Variants in ZNF385D observed in about 807,000 individuals in gnomAD.
ZNF385D encodes zinc finger protein 659.
Under a neutral mutation model 35.8 loss-of-function variants are expected in ZNF385D, and 15 were observed. The ratio of observed to expected loss-of-function variants is 0.42; its 90% CI spans 0.28 to 0.64. The LOEUF (loss-of-function observed/expected upper bound fraction) is 0.64. ZNF385D is among the 30% of genes least tolerant of loss of function. ZNF385D has a pLI of 0.23. For missense variants in ZNF385D, 474 were observed against 494.6 expected (o/e 0.96, Z 0.39); for synonymous variants, 212 against 186.8 (o/e 1.13, Z -1.10).
chr3:22,317,305 AGGAAAAAATAAAAG>A (rs1703951304), intron 2 of ZNF385D, among the ~76,000 whole-genome samples: 1 of 136,702 alleles, frequency 7.3e-6, no homozygotes. Flanking sequence ...AAAAAAAAAA[AGGAAAAAATAAAAG>A]AAAAAAAAAG....
chr3:21,978,385 T>C (rs950647992), intron 3 of ZNF385D: 4 of 152,252 alleles, frequency 2.6e-5, no homozygotes, highest in African/African-American at 9.6e-5. Flanking sequence ...ATATTAGATA[T>C]GCTACGTGTT....
chr3:22,023,504 C>A (rs1433847333), intron 3 of ZNF385D, among the ~76,000 whole-genome samples: 1 of 152,132 alleles, frequency 6.6e-6, no homozygotes, highest in African/African-American at 2.4e-5. Context: ...CAAAACCCAT[C>A]TTTGCTGAGA....
intron 3 of ZNF385D, among the ~76,000 whole-genome samples, chr3:21,845,277 G>A (rs769125117): frequency 2.0e-5 from 3 of 151,898 alleles, no homozygotes; most frequent in Non-Finnish European, 4.4e-5. Flanking sequence ...AATTTGCCTG[G>A]AGGAAACTGC....
chr3:21,824,427 C>T (rs1289936061), intron 3 of ZNF385D, among the ~76,000 whole-genome samples: 2 of 145,158 alleles, frequency 1.4e-5, no homozygotes, highest in Non-Finnish European at 3.0e-5. Context: ...AAAACAAAAT[C>T]TTCTTCTTTA....
intron 3 of ZNF385D, among the ~76,000 whole-genome samples, chr3:21,851,293 A>T: frequency 6.6e-6 from 1 of 152,112 alleles, no homozygotes; most frequent in East Asian, 1.9e-4. Flanking sequence ...CCTTGGAGAC[A>T]TGGAGCAACC....
rs1388994776 is a variant in ZNF385D at position 22,235,244 on chromosome 3, T to C, written c.107-66209A>G. ...CTTTCAATATCCATGATGTGTCTTC[T>C]CAAAAAGAATAATTTGCCTTTAAAG... On this transcript the variant is annotated intron_variant, in intron 2 of 5. Transcript: ENST00000494108. Among the ~76,000 whole-genome samples the C allele has an allele frequency of 2.0e-5, 3 of 152,084 alleles. No individual in the cohort carries two copies. In the East Asian group the frequency reaches 5.8e-4, roughly 29 times the overall value.
chr3:21,965,843 A>T (rs1702882527), intron 3 of ZNF385D, among the ~76,000 whole-genome samples: 1 of 152,196 alleles, frequency 6.6e-6, no homozygotes, highest in Admixed American at 6.5e-5. Flanking sequence ...AAAATATGGA[A>T]GAAAGAAGGG....
At chr3:21,927,345 C>T (rs73131350) in intron 3 of ZNF385D, among the ~76,000 whole-genome samples, 4,518 of 152,090 alleles carry the variant, frequency 0.03, 222 homozygotes, top group African/African-American at 0.1. Flanking sequence ...CTAAGAAAAT[C>T]GTGCATTGCA....
chr3:21,828,432 A>G (rs1694791493), intron 3 of ZNF385D, among the ~76,000 whole-genome samples: 1 of 152,194 alleles, frequency 6.6e-6, no homozygotes, highest in Non-Finnish European at 1.5e-5. Context: ...AATAAACAAA[A>G]GAAATGGGGG....
At chr3:21,560,950 G>T (rs1181262536) in intron 3 of ZNF385D, among the ~76,000 whole-genome samples, 1 of 152,062 alleles carries the variant, frequency 6.6e-6, no homozygotes, top group Non-Finnish European at 1.5e-5. Context: ...ACACTGTGAG[G>T]GTATACCTCC....
At chr3:21,709,485 G>GAAAACAAAACAAAACAAAAC (rs71044936) in intron 1 of ZNF385D, among the ~76,000 whole-genome samples, 8 of 150,082 alleles carry the variant, frequency 5.3e-5, no homozygotes, top group African/African-American at 9.8e-5. Context: ...AGGCTTCTAT[G>GAAAACAAAACAAAACAAAAC]AAAACAAAAC....
intron 2 of ZNF385D, among the ~76,000 whole-genome samples, chr3:22,177,889 C>A (rs1694943852): frequency 6.6e-6 from 1 of 152,096 alleles, no homozygotes; most frequent in African/African-American, 2.4e-5. Context: ...CAGCTTCATC[C>A]AATGTCCCTA....
At chr3:21,726,804 A>G (rs539806417) in intron 1 of ZNF385D, among the ~76,000 whole-genome samples, 4 of 152,330 alleles carry the variant, frequency 2.6e-5, no homozygotes, top group South Asian at 4.1e-4. Context: ...CTTTCTTCAT[A>G]GAATAGGAGA....
intron 3 of ZNF385D, among the ~76,000 whole-genome samples, chr3:21,820,823 A>G (rs1253055900): frequency 1.3e-5 from 2 of 151,872 alleles, no homozygotes; most frequent in Non-Finnish European, 2.9e-5. Context: ...TCAAGAAAAT[A>G]AGAACCAGAA....
At chr3:22,327,952 C>A (rs1285010568) in intron 2 of ZNF385D, among the ~76,000 whole-genome samples, 1 of 152,194 alleles carries the variant, frequency 6.6e-6, no homozygotes, top group Non-Finnish European at 1.5e-5. Context: ...CTGGAAGAAA[C>A]TGAAGTAACA....
chr3:22,202,242 A>G (rs1696846378), intron 2 of ZNF385D, among the ~76,000 whole-genome samples: 2 of 152,136 alleles, frequency 1.3e-5, no homozygotes. Context: ...ACCTATCAAT[A>G]AGCTTTATTT....
upstream of ZNF385D, among the ~76,000 whole-genome samples, chr3:21,754,411 G>A (rs1191996158): frequency 1.3e-5 from 2 of 152,126 alleles, no homozygotes; most frequent in African/African-American, 2.4e-5. Context: ...GTCAGCTGTA[G>A]CACCAACCTG....
chr3:22,073,692 AG>A (rs1302924766), intron 3 of ZNF385D, among the ~76,000 whole-genome samples: 2 of 151,870 alleles, frequency 1.3e-5, no homozygotes, highest in Non-Finnish European at 2.9e-5. Flanking sequence ...ACAAGATTGT[AG>A]GGGGAATTAA....
At chr3:22,094,622 C>T (rs921721813) in intron 3 of ZNF385D, among the ~76,000 whole-genome samples, 2 of 151,776 alleles carry the variant, frequency 1.3e-5, no homozygotes, top group Non-Finnish European at 2.9e-5. Flanking sequence ...GACATCTCAG[C>T]CATCCCAGTG....
Sources: allele counts gnomAD v4.1 joint callset (sites outside exome capture counted in the v4.1 genomes callset), GRCh38; gene constraint gnomAD v4.1.1; transcripts MANE v1.5; gene names NCBI Gene and HGNC (gene_info 2026-07-23, HGNC 2026-07-21).